RAB38: variants seen among roughly 807,000 people sequenced by gnomAD.
RAB38 encodes RAB38, member RAS oncogene family.
Under a neutral mutation model 18.4 loss-of-function variants are expected in RAB38, and 15 were observed. The ratio of observed to expected loss-of-function variants is 0.82; its 90% confidence interval spans 0.55 to 1.26. The LOEUF (loss-of-function observed/expected upper bound fraction) is 1.26, where lower values mean the gene tolerates loss of function less well. RAB38 is among the 50% of genes most tolerant of loss of function. The pLI is 0.00. For synonymous variants in RAB38, 101 were observed against 104.4 expected (o/e 0.97, Z 0.20); for missense variants, 294 against 267.4 (o/e 1.10, Z -0.69).
chr11:88,147,817 C>T (rs531752166), intron 2 of RAB38, among the ~76,000 whole-genome samples: 32 of 151,968 alleles, frequency 2.1e-4, no homozygotes, highest in Non-Finnish European at 3.7e-4. Context: ...CACTTGAATC[C>T]GGGGGGTGGA....
At chr11:87,902,080 G>A in the RAB38 span, among the ~76,000 whole-genome samples, 3 of 151,402 alleles carry the variant, frequency 2.0e-5, no homozygotes, top group African/African-American at 4.8e-5. Context: ...TTACTTTTGG[G>A]AGAAGAAAAG....
At chr11:88,009,906 A>C in the RAB38 span, among the ~76,000 whole-genome samples, 3 of 152,180 alleles carry the variant, frequency 2.0e-5, no homozygotes, top group Admixed American at 6.5e-5. Flanking sequence ...GGACTTTGAA[A>C]TATTTACCTA....
the RAB38 span, among the ~76,000 whole-genome samples, chr11:87,897,676 G>A: frequency 6.6e-6 from 1 of 151,558 alleles, no homozygotes; most frequent in Admixed American, 6.6e-5. Context: ...TTGTGTTTAA[G>A]AACTGAGAAA....
chr11:87,967,662 G>T, the RAB38 span, among the ~76,000 whole-genome samples: 1 of 152,152 alleles, frequency 6.6e-6, no homozygotes, highest in Non-Finnish European at 1.5e-5. Flanking sequence ...CAGGTGGAGG[G>T]CATTGTTAAT....
the RAB38 span, among the ~76,000 whole-genome samples, chr11:88,029,148 G>A: frequency 6.6e-6 from 1 of 151,822 alleles, no homozygotes; most frequent in Non-Finnish European, 1.5e-5. Flanking sequence ...AAGCGAAGGA[G>A]AAATAAAATA....
chr11:88,008,919 G>A, the RAB38 span, among the ~76,000 whole-genome samples: 8 of 152,248 alleles, frequency 5.3e-5, no homozygotes, highest in South Asian at 8.3e-4. Flanking sequence ...TGATCCGCCC[G>A]CCTCGGCCTC....
the RAB38 span, among the ~76,000 whole-genome samples, chr11:88,018,524 C>G: frequency 1.3e-5 from 2 of 152,024 alleles, no homozygotes; most frequent in African/African-American, 2.4e-5. Context: ...CCATTGTCTC[C>G]ATTTCTCATT....
chr11:88,154,002 T>A (rs1368038313), intron 1 of RAB38, among the ~76,000 whole-genome samples: 1 of 152,180 alleles, frequency 6.6e-6, no homozygotes, highest in Non-Finnish European at 1.5e-5. Context: ...AAACAGCCGC[T>A]TTGATGGCAT....
chr11:88,039,755 G>C, the RAB38 span, among the ~76,000 whole-genome samples: 1 of 152,194 alleles, frequency 6.6e-6, no homozygotes, highest in African/African-American at 2.4e-5. Flanking sequence ...CCTTAGCCTA[G>C]AGGAGAACTT....
chr11:87,976,632 T>TATAATTTTAC, the RAB38 span, among the ~76,000 whole-genome samples: 52 of 117,170 alleles, frequency 4.4e-4, no homozygotes, highest in African/African-American at 1.8e-3. Context: ...TATAAATATA[T>TATAATTTTAC]ATGATTTTAT....
the RAB38 span, among the ~76,000 whole-genome samples, chr11:87,899,325 C>T: frequency 0.082 from 12,470 of 151,626 alleles, 854 homozygotes; most frequent in African/African-American, 0.19. Context: ...ACAGGGGCAA[C>T]GGCACTGTCT....
At chr11:87,970,825 G>A in the RAB38 span, among the ~76,000 whole-genome samples, 1 of 152,048 alleles carries the variant, frequency 6.6e-6, no homozygotes, top group Admixed American at 6.6e-5. Flanking sequence ...GACTTCAGAT[G>A]TTATCACTGA....
At chr11:87,902,447 T>C in the RAB38 span, among the ~76,000 whole-genome samples, 2 of 151,450 alleles carry the variant, frequency 1.3e-5, no homozygotes, top group African/African-American at 2.4e-5. Flanking sequence ...TTTTTTGATA[T>C]ATTGATTTTT....
chr11:87,814,159 C>T, the RAB38 span, among the ~76,000 whole-genome samples: 3 of 152,150 alleles, frequency 2.0e-5, no homozygotes, highest in Admixed American at 2.0e-4. Context: ...GAGGGTAGTA[C>T]TCCCGAGTGG....
chr11:88,111,864 C>T (rs1413452571), downstream of RAB38, among the ~76,000 whole-genome samples: 2 of 152,168 alleles, frequency 1.3e-5, no homozygotes, highest in Admixed American at 1.3e-4. Context: ...GATTCTCCGG[C>T]CTTTCAAAAT....
the RAB38 span, among the ~76,000 whole-genome samples, chr11:87,961,837 A>G: frequency 6.6e-6 from 1 of 152,156 alleles, no homozygotes; most frequent in Non-Finnish European, 1.5e-5. Context: ...GTAGGGCTGC[A>G]TTATTTATGT....
At chr11:88,104,552 G>C in the RAB38 span, among the ~76,000 whole-genome samples, 2 of 152,164 alleles carry the variant, frequency 1.3e-5, no homozygotes, top group East Asian at 3.9e-4. Context: ...AAAGATCTCT[G>C]AGCTTTATAA....
the RAB38 span, chr11:87,816,627 C>A: frequency 2.6e-5 from 4 of 152,040 alleles, no homozygotes; most frequent in Non-Finnish European, 4.4e-5. Flanking sequence ...AAAAAACTCT[C>A]TCTATATATA....
At chr11:88,059,015 C>T in the RAB38 span, among the ~76,000 whole-genome samples, 3 of 151,850 alleles carry the variant, frequency 2.0e-5, no homozygotes, top group Admixed American at 2.0e-4. Flanking sequence ...AAGAGTATTG[C>T]TTAATGTTTA....
Sources: gnomAD v4.1 joint callset for allele counts (sites outside exome capture counted in the v4.1 genomes callset) on GRCh38, gnomAD v4.1.1 for gene constraint, MANE v1.5 for transcripts, NCBI Gene and HGNC (gene_info 2026-07-23, HGNC 2026-07-21) for gene names.